Variants in EYS observed in about 807,000 individuals in gnomAD.
EYS encodes the protein protein eyes shut homolog.
A neutral mutation model predicts 282.1 loss-of-function variants in EYS; 250 were observed. The observed-to-expected ratio is 0.89, with a 90% CI of 0.80 to 0.98. EYS has a LOEUF of 0.98. EYS is among the 50% of genes least tolerant of loss of function. EYS has a pLI of 0.00. For missense variants in EYS, 4,016 were observed against 3,709.0 expected (o/e 1.08, Z -2.15); for synonymous variants, 1,355 against 1,282.9 (o/e 1.06, Z -1.20).
At chr6:64,112,579 A>C (rs977011513) in intron 31 of EYS, among the ~76,000 whole-genome samples, 16 of 151,818 alleles carry the variant, frequency 1.1e-4, no homozygotes, top group Non-Finnish European at 1.9e-4. Context: ...CCACAACATT[A>C]TACATTGACA....
intron 19 of EYS, among the ~76,000 whole-genome samples, chr6:64,878,201 G>A (rs1340601983): frequency 6.6e-6 from 1 of 152,068 alleles, no homozygotes; most frequent in African/African-American, 2.4e-5. Context: ...CTCCAGCCTA[G>A]GCGACAACAG....
intron 22 of EYS, among the ~76,000 whole-genome samples, chr6:64,796,905 A>G (rs534193890): frequency 6.6e-6 from 1 of 152,222 alleles, no homozygotes; most frequent in East Asian, 1.9e-4. Context: ...CTTAGGGATT[A>G]TTTAGAGAAA....
At chr6:64,572,623 C>G (rs556136144) in intron 26 of EYS, among the ~76,000 whole-genome samples, 2 of 152,068 alleles carry the variant, frequency 1.3e-5, no homozygotes, top group Non-Finnish European at 2.9e-5. Context: ...CATTCCTATA[C>G]CCCAATAACA....
intron 24 of EYS, among the ~76,000 whole-genome samples, chr6:64,593,709 T>A (rs1582933026): frequency 6.6e-6 from 1 of 152,198 alleles, no homozygotes; most frequent in East Asian, 1.9e-4. Flanking sequence ...TAATGTAAAA[T>A]GCAGTATCTG....
chr6:64,519,734 T>A (rs879718371), intron 26 of EYS, among the ~76,000 whole-genome samples: 1 of 151,762 alleles, frequency 6.6e-6, no homozygotes, highest in Non-Finnish European at 1.5e-5. Context: ...AGAATATCTT[T>A]AGAGAGTATT....
intron 26 of EYS, among the ~76,000 whole-genome samples, chr6:64,455,744 G>T (rs570028082): frequency 8.6e-5 from 13 of 151,992 alleles, no homozygotes; most frequent in Middle Eastern, 3.4e-3. Context: ...TGAGAATGAT[G>T]GTTTCTAGCT....
At chr6:64,895,888 G>C (rs1182507768) in intron 18 of EYS, among the ~76,000 whole-genome samples, 2 of 151,846 alleles carry the variant, frequency 1.3e-5, no homozygotes, top group African/African-American at 4.8e-5. Flanking sequence ...GAAATATAGG[G>C]AAAAAATCCT....
In EYS at chr6:65,344,046, T is replaced by C. The variant is rs1260633321; in HGVS notation, c.1591A>G (p.Thr531Ala). 3 of 1,610,270 alleles carry C rather than the reference T, an allele frequency of 1.9e-6. No individual in the cohort carries two copies. In the Admixed American group the frequency reaches 5.0e-5, roughly 27 times the overall value. The change falls in exon 10 of 43, where the codon ACA (threonine) becomes GCA (alanine). Residue 531 changes from threonine to alanine, a missense_variant. Coordinates refer to ENST00000503581, the MANE Select transcript of EYS (RefSeq NM_001142800.2). ...ACATAAAATTACCTTACCTCTTTTG[T>C]GCCTTCATGTGGGAACCAACATGAA... ...NSSCWFPHEG[T>A]KEICANGCSC...
intron 36 of EYS, among the ~76,000 whole-genome samples, chr6:63,818,286 A>C (rs1471309515): frequency 6.6e-6 from 1 of 152,194 alleles, no homozygotes; most frequent in African/African-American, 2.4e-5. Flanking sequence ...AAGGGATCTG[A>C]TTTCTCTTGG....
intron 24 of EYS, among the ~76,000 whole-genome samples, chr6:64,610,069 G>C (rs899724025): frequency 1.3e-5 from 2 of 151,962 alleles, no homozygotes; most frequent in African/African-American, 4.8e-5. Flanking sequence ...AAAATTCTGT[G>C]CCCAACTCTC....
At chr6:63,904,225 T>C (rs1020649185) in intron 35 of EYS, among the ~76,000 whole-genome samples, 4 of 152,206 alleles carry the variant, frequency 2.6e-5, no homozygotes, top group Non-Finnish European at 5.9e-5. Flanking sequence ...GTGCAGCTTG[T>C]GTTTCCTCTG....
At chr6:65,650,283 C>T (rs557858907) in intron 1 of EYS, among the ~76,000 whole-genome samples, 1 of 152,274 alleles carries the variant, frequency 6.6e-6, no homozygotes, top group East Asian at 1.9e-4. Flanking sequence ...TCAAACACAG[C>T]TCTTCCAACT....
At chr6:64,974,199 A>G (rs954947216) in intron 14 of EYS, among the ~76,000 whole-genome samples, 2 of 151,982 alleles carry the variant, frequency 1.3e-5, no homozygotes, top group African/African-American at 4.8e-5. Context: ...AGCATAAAGC[A>G]CTAAGCAAAA....
At chr6:64,974,712 T>A (rs1052279351) in intron 14 of EYS, among the ~76,000 whole-genome samples, 1 of 151,886 alleles carries the variant, frequency 6.6e-6, no homozygotes, top group African/African-American at 2.4e-5. Flanking sequence ...TCTCTTAAGT[T>A]TTCCATAATT....
intron 12 of EYS, among the ~76,000 whole-genome samples, chr6:65,219,241 C>A (rs1023093605): frequency 3.9e-5 from 6 of 151,990 alleles, no homozygotes; most frequent in African/African-American, 1.4e-4. Context: ...TAGGCATTTG[C>A]CAATACAGGA....
At chr6:64,234,770 C>A (rs1205994905) in intron 30 of EYS, among the ~76,000 whole-genome samples, 2 of 152,086 alleles carry the variant, frequency 1.3e-5, no homozygotes, top group Non-Finnish European at 2.9e-5. Flanking sequence ...CTATTTTAGA[C>A]CTTTCATATA....
chr6:64,822,448 G>T (rs916659860), intron 20 of EYS, among the ~76,000 whole-genome samples: 8 of 152,030 alleles, frequency 5.3e-5, no homozygotes, highest in Admixed American at 6.6e-5. Flanking sequence ...CTAATGAACA[G>T]AAATAAAAGA....
intron 26 of EYS, among the ~76,000 whole-genome samples, chr6:64,540,816 C>A (rs2149798911): frequency 6.6e-6 from 1 of 152,244 alleles, no homozygotes. Flanking sequence ...TTGAAGTGTC[C>A]TGACATGACA....
intron 12 of EYS, among the ~76,000 whole-genome samples, chr6:65,113,003 G>A (rs151130850): frequency 1.3e-5 from 2 of 152,096 alleles, no homozygotes; most frequent in East Asian, 1.9e-4. Context: ...AATTGCGATA[G>A]CATGCAGTAT....
Sources: gnomAD v4.1 joint callset for allele counts (sites outside exome capture counted in the v4.1 genomes callset) on GRCh38, gnomAD v4.1.1 for gene constraint, MANE v1.5 for transcripts, NCBI Gene and HGNC (gene_info 2026-07-23, HGNC 2026-07-21) for gene names.